SUSD5: variants seen among roughly 807,000 people sequenced by gnomAD.
SUSD5 encodes the protein sushi domain containing 5, also known as sushi domain-containing protein 5.
SUSD5 carries 33 observed loss-of-function variants against 29.5 expected under a neutral mutation model. The observed-to-expected ratio is 1.12, with a 90% CI of 0.85 to 1.49. SUSD5 has a LOEUF of 1.49. Ranked by LOEUF, SUSD5 falls within the 40% of genes most tolerant of loss-of-function variation. The pLI, the probability that SUSD5 is intolerant of heterozygous loss-of-function variation, is 0.00. For synonymous variants in SUSD5, 308 were observed against 325.3 expected, an observed-to-expected ratio of 0.95 and a Z score of 0.57; for missense variants, 776 against 800.6, an observed-to-expected ratio of 0.97 and a Z score of 0.37.
Position 33,153,105 on chromosome 3 carries a change from G to A in SUSD5, c.1527C>T (p.His509=). The part of the protein sequence containing the change: ...TVNTVKQTPN[H]IPSTIMATTQ... ...TGGTTGCCATGATCGTTGAGGGGATGTGGTTAGGTGTCTGCTTGACAGTGT... is the reference window on the plus strand; with the variant it reads ...TGGTTGCCATGATCGTTGAGGGGATATGGTTAGGTGTCTGCTTGACAGTGT... The change falls in exon 5 of 5, where the codon CAC becomes CAT. Residue 509 remains histidine (H), a synonymous_variant. Transcript: ENST00000309558. 4 of 1,613,946 alleles carry A rather than the reference G, an allele frequency of 2.5e-6. 1 individual carries two copies. The South Asian group carries it at 4.4e-5, about 18-fold the overall frequency.
chr3:33,176,375 G>T lies in SUSD5; in HGVS notation c.410-1301C>A, dbSNP rs4271867. On this transcript the variant is annotated intron_variant, in intron 3 of 4. Transcript: ENST00000309558. ...TGGGTAAATACCAAAGAGCGTGACT[G>T]CTGGATTGTATGGGAAGAGTATGTT... is the stretch of plus-strand genomic sequence containing the variant. Among the ~76,000 whole-genome samples, 947 of 152,308 alleles carry T rather than the reference G, an allele frequency of 6.2e-3. 12 individuals are homozygous for T. The highest frequency in any genetic ancestry group is 0.021 in the African/African-American group (891 of 41,568).
chr3:33,152,200 T>C lies in SUSD5; in HGVS notation c.*542A>G, dbSNP rs1235997382. 6.5e-6 allele frequency: 1 copy of C among 152,874 alleles called. No individual in the cohort carries two copies. The highest frequency in any genetic ancestry group is 2.4e-5 in the African/African-American group (1 of 41,416). The allele number at this position is 152,874 out of a possible 1,614,324, so 9.5% of individuals were successfully genotyped here. A position where few individuals can be genotyped will look rare whatever the true frequency, so the allele number is the denominator to read the frequency against. Reference sequence around the variant, plus strand: ...TGGGAGGCTAAGGAGGGCAGATCACTTGAGGTCAGGAGTTCTTGACCAGCC... The same window carrying C: ...TGGGAGGCTAAGGAGGGCAGATCACCTGAGGTCAGGAGTTCTTGACCAGCC... On this transcript the variant is annotated 3_prime_UTR_variant, in exon 5 of 5. Transcript: ENST00000309558.
chr3:33,197,914 A>C (rs2032024991), intron 3 of SUSD5, among the ~76,000 whole-genome samples: 1 of 152,132 alleles, frequency 6.6e-6, no homozygotes, highest in African/African-American at 2.4e-5. Flanking sequence ...TTTTATGATA[A>C]AATTGCTATG....
At chr3:33,174,792 T>C in intron 4 of SUSD5, 94 bp downstream of exon 4, 1 of 1,461,420 alleles carries the variant, frequency 6.8e-7, no homozygotes, top group East Asian at 2.3e-5. Context: ...GGCACCTTGG[T>C]GGAGAAGAGC....
chr3:33,174,789 T>G (rs1241297412), intron 4 of SUSD5, 97 bp downstream of exon 4: 31 of 1,427,058 alleles, frequency 2.2e-5, no homozygotes, highest in Non-Finnish European at 2.6e-5. Context: ...AAAGGCACCT[T>G]GGTGGAGAAG....
intron 3 of SUSD5, among the ~76,000 whole-genome samples, chr3:33,186,343 T>C (rs2031778631): frequency 6.6e-6 from 1 of 150,750 alleles, no homozygotes; most frequent in Non-Finnish European, 1.5e-5. Context: ...ATGATGAAAA[T>C]AGAAAATAAT....
At chr3:33,177,821 G>T (rs2031583819) in intron 3 of SUSD5, among the ~76,000 whole-genome samples, 1 of 152,198 alleles carries the variant, frequency 6.6e-6, no homozygotes, top group South Asian at 2.1e-4. Context: ...GGATACATGT[G>T]CAGAACGTGC....
chr3:33,169,521 G>A (rs1170071525), intron 4 of SUSD5, among the ~76,000 whole-genome samples: 1 of 152,018 alleles, frequency 6.6e-6, no homozygotes, highest in Non-Finnish European at 1.5e-5. Flanking sequence ...ACGCCTGGCC[G>A]AATTTATACT....
intron 3 of SUSD5, among the ~76,000 whole-genome samples, chr3:33,184,806 T>C (rs949094807): frequency 6.6e-6 from 1 of 152,240 alleles, no homozygotes; most frequent in Non-Finnish European, 1.5e-5. Flanking sequence ...TGTTCTTGTA[T>C]GTCATCTAAT....
At chr3:33,211,262 T>C (rs570136805) in intron 2 of SUSD5, among the ~76,000 whole-genome samples, 5 of 152,180 alleles carry the variant, frequency 3.3e-5, no homozygotes, top group African/African-American at 7.2e-5. Flanking sequence ...TAATACCTTA[T>C]AGTAAACCTA....
At chr3:33,187,346 G>T (rs1009945967) in intron 3 of SUSD5, among the ~76,000 whole-genome samples, 2 of 152,150 alleles carry the variant, frequency 1.3e-5, no homozygotes, top group African/African-American at 2.4e-5. Flanking sequence ...CAGGAAAACC[G>T]CAATAATGCT....
At position 33,156,172 on chromosome 3, in the gene SUSD5, C is replaced by G. The variant is rs548459028; in HGVS notation, c.599-2139G>C. Among the ~76,000 whole-genome samples, 208 of 151,976 alleles carry G rather than the reference C, an allele frequency of 1.4e-3. 2 individuals carry two copies. The highest frequency in any genetic ancestry group is 4.6e-3 in the African/African-American group (192 of 41,396). On this transcript the variant is annotated intron_variant, in intron 4 of 4. Transcript: ENST00000309558. ...TCTCCTGCCTCGGCCTCCTGAGTAG[C>G]TAGGATTACAGGTGCACACCACCAC...
chr3:33,166,723 T>C (rs540300886), intron 4 of SUSD5, among the ~76,000 whole-genome samples: 1 of 152,248 alleles, frequency 6.6e-6, no homozygotes, highest in South Asian at 2.1e-4. Context: ...AAGAGATGAA[T>C]TAGTGGGTGT....
rs775327082 is a variant in SUSD5 at position 33,175,040 on chromosome 3, G to A, written c.444C>T (p.His148=). 1.6e-5 allele frequency: 26 copies of A among 1,613,938 alleles called. No homozygotes were observed. The Admixed American group carries it at 4.3e-4, about 27-fold the overall frequency. The stretch of plus-strand genomic sequence containing the variant: ...AGCCGGTGCGGCCCTGCAGGATGGT[G>A]TGTGGGAACGAAGGCGGGTCTCCAC... ...KPCGDPPSFP[H]TILQGRTGLE... Residue 148 remains histidine, a synonymous_variant, in exon 4 of 5, where the codon CAC becomes CAT. Transcript: ENST00000309558.
At chr3:33,199,524 C>T (rs899982516) in intron 3 of SUSD5, among the ~76,000 whole-genome samples, 3 of 152,338 alleles carry the variant, frequency 2.0e-5, no homozygotes, top group African/African-American at 7.2e-5. Context: ...CCGCCCGCCT[C>T]GGCCTCCCAA....
At chr3:33,171,524 A>G (rs1476147087) in intron 4 of SUSD5, among the ~76,000 whole-genome samples, 1 of 152,194 alleles carries the variant, frequency 6.6e-6, no homozygotes, top group Non-Finnish European at 1.5e-5. Flanking sequence ...CAAGCAAGCA[A>G]ACAAAACAAA....
intron 4 of SUSD5, among the ~76,000 whole-genome samples, chr3:33,157,802 G>A (rs1236607056): frequency 6.6e-6 from 1 of 152,328 alleles, no homozygotes; most frequent in Non-Finnish European, 1.5e-5. Context: ...AGAGGTAAAC[G>A]TCCCAACTGA....
chr3:33,187,628 T>C (rs996682205), intron 3 of SUSD5, among the ~76,000 whole-genome samples: 1 of 152,060 alleles, frequency 6.6e-6, no homozygotes, highest in Non-Finnish European at 1.5e-5. Flanking sequence ...TAGGGAAACT[T>C]AACATTTGGT....
chr3:33,176,777 T>A (rs2031559508), intron 3 of SUSD5, among the ~76,000 whole-genome samples: 1 of 152,154 alleles, frequency 6.6e-6, no homozygotes. Flanking sequence ...TTGTGAAGGG[T>A]GTAAGGTCTG....
Sources: gnomAD v4.1 joint callset for allele counts (sites outside exome capture counted in the v4.1 genomes callset) on GRCh38, gnomAD v4.1.1 for gene constraint, MANE v1.5 for transcripts, NCBI Gene and HGNC (gene_info 2026-07-23, HGNC 2026-07-21) for gene names.